The following DOT1L variants were observed in gnomAD, a reference collection of about 807,000 sequenced individuals.
DOT1L encodes the protein histone-lysine N-methyltransferase, H3 lysine-79 specific.
Under a neutral mutation model 153.3 loss-of-function variants are expected in DOT1L, and 33 were observed. The ratio of observed to expected loss-of-function variants is 0.22; its 90% confidence interval spans 0.16 to 0.29. The LOEUF (loss-of-function observed/expected upper bound fraction) is 0.29, where lower values mean the gene tolerates loss of function less well. DOT1L is among the 10% of genes least tolerant of loss of function. The probability of loss-of-function intolerance (pLI) is 1.00; values close to 1 mark genes in which losing one functional copy is unlikely to be tolerated. For synonymous variants in DOT1L, 1,135 were observed against 965.1 expected (o/e 1.18, Z -3.26); for missense variants, 1,847 against 2,119.9 (o/e 0.87, Z 2.53).
chr19:2,164,654 G>A (rs1009298265), intron 1 of DOT1L, among the ~76,000 whole-genome samples: 4 of 147,962 alleles, frequency 2.7e-5, no homozygotes, highest in African/African-American at 9.8e-5. Context: ...TCTTTTTGAG[G>A]GCATCCTTTC....
At position 2,226,393 on chromosome 19, in the gene DOT1L, AC is replaced by A; in HGVS notation, c.3876del (p.Arg1293GlyfsTer34). 1 of 1,593,352 alleles carries A rather than the reference AC, an allele frequency of 6.3e-7. No individual in the cohort carries two copies. On this transcript the variant is annotated frameshift_variant, in exon 27 of 28. Coordinates refer to ENST00000398665, the MANE Select transcript of DOT1L (RefSeq NM_032482.3). LOFTEE classifies it high-confidence loss of function. The stretch of plus-strand genomic sequence containing the variant: ...TCTGCCGATGCCAAGCTGGCCGCTC[AC>A]CCCAGGAAAGGCTTTCCCGGCTCCC... ...EPSADAKLAA[H>X]PRKGFPGSLS...
rs1464703468 is a variant in DOT1L, at chr19:2,232,097, G to C, written c.*2305G>C. ...TGTGGAGACTGGGGATCTGGAGCCT[G>C]GTGCTGGCACCTGGCCTGAGTTTCC... On this transcript the variant is annotated 3_prime_UTR_variant, in exon 28 of 28. Transcript: ENST00000398665. 4.6e-6 allele frequency: 1 copy of C among 217,898 alleles called. No homozygotes were observed. Among genetic ancestry groups the C allele is most frequent in the Non-Finnish European group, 9.2e-6 (1 of 108,502 alleles). The allele number at this position is 217,898 out of a possible 1,614,324, so 13.5% of individuals were successfully genotyped here.
chr19:2,197,020 C>T lies in DOT1L; in HGVS notation c.651+2443C>T, dbSNP rs187251816. On this transcript the variant is annotated intron_variant, in intron 7 of 27. Coordinates refer to ENST00000398665, the MANE Select transcript of DOT1L (RefSeq NM_032482.3). This position sits in a 1 kb window ranked among gnomAD's most constrained non-coding sequence, Gnocchi z 4.1. Reference sequence around the variant, plus strand: ...CAGTGCTGAACGCGTCCGCCTTGGTCGGCGTGCGATTCTGTTTATCCAAGG... The same window carrying T: ...CAGTGCTGAACGCGTCCGCCTTGGTTGGCGTGCGATTCTGTTTATCCAAGG... Among the ~76,000 whole-genome samples the T allele has an allele frequency of 6.6e-5, 10 of 152,190 alleles. No individual in the cohort carries two copies. Among genetic ancestry groups the T allele is most frequent in the Non-Finnish European group, 1.3e-4 (9 of 68,048 alleles).
chr19:2,213,866 G>T lies in DOT1L; in HGVS notation c.1677G>T (p.Leu559=), dbSNP rs1156476088. Residue 559 remains leucine (L), a synonymous_variant, in exon 18 of 28, where the codon CTG becomes CTT. Transcript: ENST00000398665. ...QKLDELGVKA[L]TYNDLIQAQK... ...GTCCCCAGCTGGGTGTGAAGGCGCT[G>T]ACCTACAACGACCTGATTCAAGCGC... is the stretch of plus-strand genomic sequence containing the variant. 1 of 1,613,028 alleles carries T rather than the reference G, an allele frequency of 6.2e-7. No individual in the cohort carries two copies.
intron 15 of DOT1L, among the ~76,000 whole-genome samples, 195 bp from the exon 16 acceptor site, chr19:2,211,556 G>T (rs149265015): frequency 6.6e-6 from 1 of 152,212 alleles, no homozygotes; most frequent in African/African-American, 2.4e-5. Context: ...ACTTGGCTGC[G>T]CAGGGGTCAG....
At chr19:2,187,891 C>T (rs1484440580) in intron 3 of DOT1L, among the ~76,000 whole-genome samples, 9 of 146,254 alleles carry the variant, frequency 6.2e-5, no homozygotes, top group African/African-American at 2.0e-4. Context: ...CACCGCACTC[C>T]AGCCTGGGTG....
Position 2,229,777 on chromosome 19 carries a change from T to C in DOT1L, c.4607-8T>C, listed in dbSNP as rs764467597. On this transcript the variant is annotated splice_polypyrimidine_tract_variant and splice_region_variant and intron_variant, in intron 27 of 27. Transcript: ENST00000398665. Reference sequence around the variant, plus strand: ...TCAGGCCGCTCTTCCCGCTGTGCCCTTCTGCAGGTAACTAGGATTTCTACC... The same window carrying C: ...TCAGGCCGCTCTTCCCGCTGTGCCCCTCTGCAGGTAACTAGGATTTCTACC... The C allele has an allele frequency of 6.2e-7, 1 of 1,613,332 alleles. No homozygotes were observed. The highest frequency in any genetic ancestry group is 8.5e-7 in the Non-Finnish European group (1 of 1,179,940).
intron 24 of DOT1L, 64 bp from the exon 25 acceptor site, chr19:2,223,217 G>A (rs144012798): frequency 2.5e-6 from 4 of 1,571,670 alleles, no homozygotes; most frequent in South Asian, 2.3e-5. Flanking sequence ...GGGGCGGGGG[G>A]GCTCTCCTGC....
At chr19:2,229,204 C>G in intron 27 of DOT1L, 2 of 985,452 alleles carry the variant, frequency 2.0e-6, no homozygotes, top group Non-Finnish European at 2.4e-6. Context: ...CACTCCTCCC[C>G]CAAGAGGCTG....
chr19:2,219,747 C>T (rs572030440), intron 22 of DOT1L, among the ~76,000 whole-genome samples: 11 of 152,296 alleles, frequency 7.2e-5, no homozygotes, highest in East Asian at 1.9e-4. Context: ...TCACCCCACC[C>T]GACTGCTGGC....
rs1471508240 is a variant in DOT1L, at chr19:2,197,833, C to T, written c.652-2051C>T. Among the ~76,000 whole-genome samples the T allele has an allele frequency of 6.6e-6, 1 of 152,192 alleles. No individual in the cohort carries two copies. The highest frequency in any genetic ancestry group is 2.4e-5 in the African/African-American group (1 of 41,446). Reference sequence around the variant, plus strand: ...GGCATCCGTCCTGTTTACAGCCAACCCTGCTGCGGAGGGTGGGTCAGAGAG... The same window carrying T: ...GGCATCCGTCCTGTTTACAGCCAACTCTGCTGCGGAGGGTGGGTCAGAGAG... On this transcript the variant is annotated intron_variant, in intron 7 of 27. Transcript: ENST00000398665. This position sits in a 1 kb window ranked among gnomAD's most constrained non-coding sequence, Gnocchi z 4.1.
At chr19:2,223,654 G>T (rs954873499) in intron 25 of DOT1L, among the ~76,000 whole-genome samples, 168 bp downstream of exon 25, 1 of 152,236 alleles carries the variant, frequency 6.6e-6, no homozygotes, top group East Asian at 1.9e-4. Context: ...ACAGGTCCTG[G>T]GCCCCGTTCC....
At position 2,222,616 on chromosome 19, in the gene DOT1L, G is replaced by A. The variant is rs1599616377; in HGVS notation, c.3390+57G>A. The stretch of plus-strand genomic sequence containing the variant: ...GCGGCCTGTGAAAGAAAGACCAGAG[G>A]GAGACCGGGCGCGGTGGCTCACGCC... On this transcript the variant is annotated intron_variant, in intron 24 of 27. Coordinates refer to ENST00000398665, the MANE Select transcript of DOT1L (RefSeq NM_032482.3). The surrounding 1 kb of genome is among the most constrained non-coding windows in gnomAD (Gnocchi z 6.5). 3 of 1,466,148 alleles carry A rather than the reference G, an allele frequency of 2.0e-6. No individual in the cohort carries two copies. The highest frequency in any genetic ancestry group is 2.4e-5 in the East Asian group (1 of 42,396). 90.8% of individuals were successfully genotyped at this position (1,466,148 alleles called of 1,614,324 possible).
At chr19:2,189,641 C>G in intron 3 of DOT1L, 91 bp from the exon 4 acceptor site, 1 of 1,465,964 alleles carries the variant, frequency 6.8e-7, no homozygotes, top group East Asian at 2.3e-5. Context: ...GGGACCACAC[C>G]TTGGAGCCTG....
chr19:2,226,670 C>G lies in DOT1L; in HGVS notation c.4149C>G (p.Gly1383=), dbSNP rs2144933983. The G allele has an allele frequency of 6.3e-7, 1 of 1,576,740 alleles. No individual in the cohort carries two copies. Among genetic ancestry groups the G allele is most frequent in the Non-Finnish European group, 8.6e-7 (1 of 1,165,278 alleles). ...GCCTGGCTGGGCTGAAGGGCGAGGG[C>G]AGCCGCGGCAAGGAGGCAGGGGAGG... ...LDGLAGLKGE[G]SRGKEAGEGG... is the part of the protein sequence containing the mutation. The change falls in exon 27 of 28, where the codon GGC becomes GGG. Residue 1383 remains glycine, a synonymous_variant. Transcript: ENST00000398665.
chr19:2,228,184 G>T (rs1178084328), intron 27 of DOT1L: 6 of 1,365,152 alleles, frequency 4.4e-6, no homozygotes, highest in Non-Finnish European at 5.9e-6. Flanking sequence ...AAGGGCGCCC[G>T]CCCCTCCTTC....
chr19:2,188,610 G>C (rs1326424373), intron 3 of DOT1L, among the ~76,000 whole-genome samples: 3 of 151,324 alleles, frequency 2.0e-5, no homozygotes, highest in Non-Finnish European at 2.9e-5. Context: ...TCCATCTCTT[G>C]CTTGCCTCGC....
rs2144962488 is a variant in DOT1L at position 2,229,819 on chromosome 19, T to C, written c.*27T>C. ...ATTTCTACCTCAACCGCGAGACCTA[T>C]GCAAGGACGGTGTGGACCAACTCGC... On this transcript the variant is annotated 3_prime_UTR_variant, in exon 28 of 28. Coordinates refer to ENST00000398665, the MANE Select transcript of DOT1L (RefSeq NM_032482.3). 3 of 1,613,100 alleles carry C rather than the reference T, an allele frequency of 1.9e-6. No individual in the cohort carries two copies. The highest frequency in any genetic ancestry group is 2.2e-5 in the East Asian group (1 of 44,860).
chr19:2,182,472 G>A (rs1170092632), intron 2 of DOT1L, among the ~76,000 whole-genome samples: 1 of 152,142 alleles, frequency 6.6e-6, no homozygotes, highest in Non-Finnish European at 1.5e-5. Flanking sequence ...GACCAGTGGC[G>A]CTGTGATTGT....
Sources: allele counts gnomAD v4.1 joint callset (sites outside exome capture counted in the v4.1 genomes callset), GRCh38; gene constraint gnomAD v4.1.1; non-coding constraint Gnocchi (gnomAD v3.1); transcripts MANE v1.5; gene names NCBI Gene and HGNC (gene_info 2026-07-23, HGNC 2026-07-21).